Variants in PSD3 observed in about 807,000 individuals in gnomAD.
PSD3 encodes the protein pleckstrin and Sec7 domain containing 3.
In PSD3, 49 loss-of-function variants were observed where a neutral mutation model predicts 105.5. That is an observed-to-expected ratio of 0.46 (90% CI 0.37 to 0.59). The LOEUF is 0.59. PSD3 is among the 20% of genes least tolerant of loss of function. PSD3 has a pLI of 0.00. For synonymous variants in PSD3, 557 were observed against 457.8 expected (o/e 1.22, Z -2.77); for missense variants, 1,561 against 1,263.8 (o/e 1.24, Z -3.57).
intron 15 of PSD3, among the ~76,000 whole-genome samples, chr8:18,536,671 C>A (rs568203671): frequency 6.6e-6 from 1 of 152,254 alleles, no homozygotes; most frequent in Admixed American, 6.5e-5. Flanking sequence ...GTACTGAGTA[C>A]CTACTATGTT....
intron 2 of PSD3, among the ~76,000 whole-genome samples, chr8:18,898,846 T>C (rs1486535829): frequency 6.6e-6 from 1 of 152,086 alleles, no homozygotes; most frequent in Non-Finnish European, 1.5e-5. Context: ...ATCTCAAGGA[T>C]GGGAGAGGCA....
chr8:18,707,210 C>A (rs981926457), intron 9 of PSD3, among the ~76,000 whole-genome samples: 1 of 152,148 alleles, frequency 6.6e-6, no homozygotes, highest in African/African-American at 2.4e-5. Context: ...AAAGCTCACC[C>A]TCTTCCCCTT....
intron 8 of PSD3, among the ~76,000 whole-genome samples, chr8:18,789,028 A>G (rs948612753): frequency 6.6e-6 from 1 of 152,194 alleles, no homozygotes; most frequent in Non-Finnish European, 1.5e-5. Flanking sequence ...TTAAGTGCTA[A>G]AAGCTCAACA....
At chr8:18,545,408 T>A (rs1189247688) in intron 15 of PSD3, among the ~76,000 whole-genome samples, 6 of 151,894 alleles carry the variant, frequency 4.0e-5, no homozygotes, top group Admixed American at 3.9e-4. Context: ...TAGCTGAGTA[T>A]AAAATTAAAA....
intron 11 of PSD3, among the ~76,000 whole-genome samples, chr8:18,611,059 A>T (rs896383415): frequency 9.9e-5 from 15 of 152,182 alleles, no homozygotes; most frequent in African/African-American, 3.6e-4. Context: ...TACAGGCAGT[A>T]ACATAAACAA....
At chr8:18,792,108 C>T (rs1809778060) in intron 8 of PSD3, among the ~76,000 whole-genome samples, 1 of 152,126 alleles carries the variant, frequency 6.6e-6, no homozygotes, top group Admixed American at 6.5e-5. Flanking sequence ...TGCTTTTACG[C>T]TGTTGGTGGG....
At chr8:18,670,060 G>C (rs1333976023) in intron 9 of PSD3, among the ~76,000 whole-genome samples, 1 of 152,162 alleles carries the variant, frequency 6.6e-6, no homozygotes, top group Non-Finnish European at 1.5e-5. Flanking sequence ...CTTTCTGGTA[G>C]GCTACCAGAT....
At chr8:18,807,363 C>G (rs906011882) in intron 4 of PSD3, among the ~76,000 whole-genome samples, 1 of 152,176 alleles carries the variant, frequency 6.6e-6, no homozygotes, top group Non-Finnish European at 1.5e-5. Flanking sequence ...CAACTCTTCT[C>G]CAAGCACACT....
At chr8:18,603,286 C>G (rs1804570369) in intron 11 of PSD3, among the ~76,000 whole-genome samples, 1 of 151,842 alleles carries the variant, frequency 6.6e-6, no homozygotes, top group African/African-American at 2.4e-5. Flanking sequence ...TTTGGCTTTT[C>G]TTTTTTTTAA....
chr8:18,775,521 G>A (rs559964478), intron 8 of PSD3, among the ~76,000 whole-genome samples: 4 of 151,982 alleles, frequency 2.6e-5, no homozygotes, highest in African/African-American at 9.6e-5. Flanking sequence ...TTGTCTTTTT[G>A]ATAAAAACCA....
intron 12 of PSD3, among the ~76,000 whole-genome samples, chr8:18,591,691 C>G (rs1275348378): frequency 1.3e-5 from 2 of 152,012 alleles, no homozygotes; most frequent in Non-Finnish European, 2.9e-5. Flanking sequence ...GAGAGAGGAG[C>G]AGAGTATGCA....
At chr8:18,579,408 C>G (rs1802666632) in intron 12 of PSD3, among the ~76,000 whole-genome samples, 2 of 152,048 alleles carry the variant, frequency 1.3e-5, no homozygotes, top group South Asian at 4.2e-4. Context: ...AAATGCTCCA[C>G]GACATCTAAT....
chr8:19,074,486 A>ACTT (rs527839223), intron 1 of PSD3, among the ~76,000 whole-genome samples: 16 of 150,768 alleles, frequency 1.1e-4, no homozygotes, highest in Non-Finnish European at 2.2e-4. Flanking sequence ...TGAAATATGT[A>ACTT]CTTCATTTCA....
chr8:18,777,054 T>C (rs923183407), intron 8 of PSD3, among the ~76,000 whole-genome samples: 7 of 152,062 alleles, frequency 4.6e-5, no homozygotes, highest in African/African-American at 1.4e-4. Flanking sequence ...TTGCCTTTTG[T>C]TTTTTTGAGA....
At chr8:18,912,302 G>A (rs982845630) in intron 2 of PSD3, among the ~76,000 whole-genome samples, 2 of 152,162 alleles carry the variant, frequency 1.3e-5, no homozygotes, top group African/African-American at 4.8e-5. Flanking sequence ...AAATCTGAAG[G>A]AAATCTGCTA....
chr8:18,768,469 T>C (rs2129444036), intron 8 of PSD3, among the ~76,000 whole-genome samples: 1 of 151,910 alleles, frequency 6.6e-6, no homozygotes, highest in Admixed American at 6.6e-5. Flanking sequence ...TGAAGGCACG[T>C]GCTTTGCAGT....
chr8:19,038,662 A>T (rs574886856), intron 1 of PSD3, among the ~76,000 whole-genome samples: 15 of 152,162 alleles, frequency 9.9e-5, no homozygotes, highest in South Asian at 2.1e-4. Context: ...GGGTCTCGCC[A>T]TGTTGCCCAG....
chr8:18,980,173 T>A (rs1474281974), intron 1 of PSD3, among the ~76,000 whole-genome samples: 2 of 152,322 alleles, frequency 1.3e-5, no homozygotes, highest in East Asian at 3.9e-4. Context: ...GCACGAGGTA[T>A]GTGAGTGAGA....
At chr8:18,746,786 T>A (rs1805064166) in intron 9 of PSD3, among the ~76,000 whole-genome samples, 1 of 152,262 alleles carries the variant, frequency 6.6e-6, no homozygotes, top group Non-Finnish European at 1.5e-5. Flanking sequence ...ATTAGGTTCA[T>A]TTGTTACTGT....
Sources: allele counts gnomAD v4.1 joint callset (sites outside exome capture counted in the v4.1 genomes callset), GRCh38; gene constraint gnomAD v4.1.1; transcripts MANE v1.5; gene names NCBI Gene and HGNC (gene_info 2026-07-23, HGNC 2026-07-21).